Variants in DACH1 observed in about 807,000 individuals in gnomAD.
The protein encoded by DACH1 is dachshund family transcription factor 1, also known as dachshund homolog 1.
A neutral mutation model predicts 54.2 loss-of-function variants in DACH1; 12 were observed. The observed-to-expected ratio is 0.22, with a 90% CI of 0.14 to 0.36. DACH1 has a LOEUF of 0.36. Ranked by LOEUF, DACH1 falls within the 10% of genes least tolerant of loss-of-function variation. DACH1 has a pLI of 1.00. For missense variants in DACH1, 805 were observed against 929.8 expected (o/e 0.87, Z 1.75); for synonymous variants, 386 against 366.2 (o/e 1.05, Z -0.62).
chr13:71,791,784 G>A (rs769338300), intron 1 of DACH1, among the ~76,000 whole-genome samples: 30 of 152,220 alleles, frequency 2.0e-4, no homozygotes, highest in Non-Finnish European at 3.4e-4. Flanking sequence ...ATCAAAACTA[G>A]TATATTTTGA....
intron 6 of DACH1, among the ~76,000 whole-genome samples, chr13:71,523,480 C>T (rs560032023): frequency 5.9e-5 from 9 of 152,162 alleles, no homozygotes; most frequent in Admixed American, 3.3e-4. Context: ...AGTAAACTGT[C>T]GTGAAACAAT....
At chr13:71,532,694 T>C (rs1882493151) in intron 6 of DACH1, among the ~76,000 whole-genome samples, 1 of 152,048 alleles carries the variant, frequency 6.6e-6, no homozygotes, top group South Asian at 2.1e-4. Context: ...TTTAGGGAAA[T>C]AGATTTAGGA....
chr13:71,498,011 T>A (rs1879590967), intron 6 of DACH1, among the ~76,000 whole-genome samples: 1 of 152,028 alleles, frequency 6.6e-6, no homozygotes, highest in Non-Finnish European at 1.5e-5. Flanking sequence ...TCAAGCAGCA[T>A]TAGAACTCTG....
chr13:71,694,219 C>A (rs1881695066), intron 1 of DACH1, among the ~76,000 whole-genome samples: 1 of 152,098 alleles, frequency 6.6e-6, no homozygotes, highest in South Asian at 2.1e-4. Flanking sequence ...CACACAAGCA[C>A]ACACACATCC....
intron 7 of DACH1, 27 bp from the exon 8 acceptor site, chr13:71,479,343 T>C (rs572513292): frequency 6.3e-7 from 1 of 1,593,740 alleles, no homozygotes; most frequent in South Asian, 1.2e-5. Context: ...TTCGGAATGG[T>C]AATATTTTAA....
At chr13:71,473,310 A>G (rs1877244259) in intron 10 of DACH1, among the ~76,000 whole-genome samples, 1 of 152,242 alleles carries the variant, frequency 6.6e-6, no homozygotes, top group Admixed American at 6.5e-5. Context: ...TAATTGTTGT[A>G]CAAATGTTTT....
intron 1 of DACH1, among the ~76,000 whole-genome samples, chr13:71,703,050 T>G (rs1027009097): frequency 6.6e-6 from 1 of 152,246 alleles, no homozygotes; most frequent in South Asian, 2.1e-4. Flanking sequence ...TAAACTGTTC[T>G]CTTTTTAAAA....
intron 2 of DACH1, among the ~76,000 whole-genome samples, chr13:71,640,584 C>A: frequency 6.6e-6 from 1 of 151,760 alleles, no homozygotes. Flanking sequence ...TTTAAGCACC[C>A]CTCTCATTAT....
rs1193145450 is a variant in DACH1 at position 71,595,472 on chromosome 13, C to T, written c.1127-22460G>A. 3.3e-5 allele frequency among the ~76,000 whole-genome samples: 5 copies of T among 152,040 alleles called. No homozygotes were observed. The South Asian group carries it at 8.3e-4, about 25-fold the overall frequency. On this transcript the variant is annotated intron_variant, in intron 3 of 10. Coordinates refer to ENST00000613252, the MANE Select transcript of DACH1 (RefSeq NM_080759.6). ...TTGGAACTGAGTTCTGAGACTTTCA[C>T]GATAATTCCAGCAGGTGATAATGGA...
intron 6 of DACH1, among the ~76,000 whole-genome samples, chr13:71,500,321 T>C (rs2095983479): frequency 6.6e-6 from 1 of 152,156 alleles, no homozygotes; most frequent in South Asian, 2.1e-4. Context: ...CTAGGCACCA[T>C]CACAGGGTGC....
chr13:71,520,610 T>C (rs936162862), intron 6 of DACH1, among the ~76,000 whole-genome samples: 1 of 151,462 alleles, frequency 6.6e-6, no homozygotes, highest in Non-Finnish European at 1.5e-5. Flanking sequence ...ACAGTATAGA[T>C]TGAACTATAC....
intron 3 of DACH1, among the ~76,000 whole-genome samples, chr13:71,587,147 A>G (rs1271513074): frequency 6.6e-6 from 1 of 152,108 alleles, no homozygotes; most frequent in Non-Finnish European, 1.5e-5. Context: ...TCCTTTATGT[A>G]TAAAATATAG....
intron 6 of DACH1, among the ~76,000 whole-genome samples, chr13:71,537,588 T>C (rs989650035): frequency 1.3e-5 from 2 of 152,120 alleles, no homozygotes; most frequent in Admixed American, 6.6e-5. Context: ...ATTTCAGGAA[T>C]GTCTATATGA....
chr13:71,498,762 C>G (rs1345484636), intron 6 of DACH1, among the ~76,000 whole-genome samples: 1 of 151,972 alleles, frequency 6.6e-6, no homozygotes, highest in Non-Finnish European at 1.5e-5. Context: ...GCAAGGATAA[C>G]AGCTCAAGAA....
chr13:71,481,080 T>G (rs1032534953), intron 7 of DACH1, among the ~76,000 whole-genome samples: 1 of 152,236 alleles, frequency 6.6e-6, no homozygotes, highest in African/African-American at 2.4e-5. Context: ...AAGAGATCAT[T>G]ACATCAAGTG....
intron 6 of DACH1, among the ~76,000 whole-genome samples, chr13:71,523,023 A>T (rs1881715362): frequency 6.6e-6 from 1 of 152,128 alleles, no homozygotes; most frequent in Non-Finnish European, 1.5e-5. Flanking sequence ...ACTGAATGCC[A>T]CTTAATTATA....
chr13:71,691,825 C>G (rs927082868), intron 1 of DACH1, among the ~76,000 whole-genome samples: 1 of 152,096 alleles, frequency 6.6e-6, no homozygotes, highest in African/African-American at 2.4e-5. Flanking sequence ...GGAAATACAT[C>G]GATACATAGA....
intron 2 of DACH1, among the ~76,000 whole-genome samples, chr13:71,651,313 G>C (rs1206975349): frequency 6.6e-6 from 1 of 151,118 alleles, no homozygotes; most frequent in African/African-American, 2.4e-5. Flanking sequence ...GTTGCAGTGA[G>C]CTGTGTTTTG....
At chr13:71,730,371 A>G (rs1883683305) in intron 1 of DACH1, among the ~76,000 whole-genome samples, 1 of 151,696 alleles carries the variant, frequency 6.6e-6, no homozygotes, top group Non-Finnish European at 1.5e-5. Context: ...TCTTTTTCCT[A>G]GATTAAAAGC....
Sources: allele counts gnomAD v4.1 joint callset (sites outside exome capture counted in the v4.1 genomes callset), GRCh38; gene constraint gnomAD v4.1.1; transcripts MANE v1.5; gene names NCBI Gene and HGNC (gene_info 2026-07-23, HGNC 2026-07-21).